MAD1L1: variants seen among roughly 807,000 people sequenced by gnomAD.
MAD1L1 encodes the protein mitotic spindle assembly checkpoint protein MAD1.
A neutral mutation model predicts 96.9 loss-of-function variants in MAD1L1; 95 were observed. The ratio of observed to expected loss-of-function variants is 0.98; its 90% CI spans 0.83 to 1.16. The LOEUF (loss-of-function observed/expected upper bound fraction) is 1.16. Among genes scored for constraint, MAD1L1 ranks in the 50% most tolerant of loss-of-function variants. The pLI is 0.00. For synonymous variants in MAD1L1, 473 were observed against 396.6 expected (o/e 1.19, Z -2.29); for missense variants, 1,007 against 954.4 (o/e 1.06, Z -0.73).
intron 18 of MAD1L1, chr7:1,897,995 G>A (rs773122830): frequency 1.8e-4 from 111 of 610,548 alleles, no homozygotes; most frequent in Non-Finnish European, 2.7e-4. Context: ...GAGGTCCAGG[G>A]CTGCAAAGCC....
rs756530716 is a variant in MAD1L1, at chr7:2,213,203, C to T, written c.986+9G>A. 3 of 1,614,020 alleles carry T rather than the reference C, an allele frequency of 1.9e-6. No homozygotes were observed. The South Asian group carries it at 3.3e-5, about 18-fold the overall frequency. On this transcript the variant is annotated intron_variant, in intron 10 of 18. Coordinates refer to ENST00000265854, the MANE Select transcript of MAD1L1 (RefSeq NM_001013836.2). ...AGGCGGGACCCCGGAGACACCTGCC[C>T]TTCCCTACCTGATGCTCAGGCCCAT...
At chr7:2,139,388 C>T (rs962311909) in intron 11 of MAD1L1, among the ~76,000 whole-genome samples, 2 of 152,030 alleles carry the variant, frequency 1.3e-5, no homozygotes, top group African/African-American at 2.4e-5. Context: ...GGCCCCAGGA[C>T]GCACACTGAG....
intron 18 of MAD1L1, among the ~76,000 whole-genome samples, chr7:1,872,307 T>C (rs1012337803): frequency 6.6e-6 from 1 of 152,206 alleles, no homozygotes; most frequent in Non-Finnish European, 1.5e-5. Context: ...TGACAGGTCA[T>C]GCCCAGCGGC....
At chr7:1,961,685 G>A (rs1469110090) in intron 15 of MAD1L1, among the ~76,000 whole-genome samples, 2 of 152,262 alleles carry the variant, frequency 1.3e-5, no homozygotes, top group African/African-American at 4.8e-5. Context: ...GGGTTTGGCT[G>A]TGTCCCCACC....
chr7:2,094,746 A>T (rs2128547151), intron 11 of MAD1L1, among the ~76,000 whole-genome samples: 1 of 141,186 alleles, frequency 7.1e-6, no homozygotes, highest in East Asian at 2.2e-4. Flanking sequence ...GGTGCAAAGC[A>T]GCAAGGGGGA....
chr7:1,904,515 C>A (rs1403504760), intron 17 of MAD1L1, among the ~76,000 whole-genome samples: 3 of 129,084 alleles, frequency 2.3e-5, no homozygotes, highest in East Asian at 4.4e-4. Flanking sequence ...GATGCTCTTG[C>A]GGAACTCATG....
At chr7:1,949,754 C>T (rs1041267424) in intron 16 of MAD1L1, among the ~76,000 whole-genome samples, 3 of 152,236 alleles carry the variant, frequency 2.0e-5, no homozygotes, top group Non-Finnish European at 4.4e-5. Flanking sequence ...CCTGCAGCAG[C>T]GGCTGCTTGG....
At chr7:1,957,499 AG>A (rs1284795079) in intron 16 of MAD1L1, 129 bp downstream of exon 16, 6 of 887,038 alleles carry the variant, frequency 6.8e-6, no homozygotes, top group Non-Finnish European at 8.7e-6. Flanking sequence ...TGCACATGGG[AG>A]GGAGGAGAGT....
rs568283384 is a variant in MAD1L1 at position 2,086,618 on chromosome 7, G to A, written c.1074-17280C>T. 1.4e-4 allele frequency among the ~76,000 whole-genome samples: 21 copies of A among 152,270 alleles called. No individual in the cohort carries two copies. The South Asian group carries it at 2.5e-3, about 18-fold the overall frequency. ...CCCCAGAGCTGGAGTGCAATGGCAC[G>A]CTCTCGGCTCACTGCAACCTCCGCC... On this transcript the variant is annotated intron_variant, in intron 11 of 18. Coordinates refer to ENST00000265854, the MANE Select transcript of MAD1L1 (RefSeq NM_001013836.2).
chr7:1,886,947 C>T (rs371949781), intron 18 of MAD1L1, among the ~76,000 whole-genome samples: 87 of 152,392 alleles, frequency 5.7e-4, no homozygotes, highest in African/African-American at 1.9e-3. Context: ...ACAGTCCTGC[C>T]CCGCAGGTTC....
At chr7:2,063,117 G>A (rs1409710778) in intron 12 of MAD1L1, among the ~76,000 whole-genome samples, 1 of 152,222 alleles carries the variant, frequency 6.6e-6, no homozygotes, top group Non-Finnish European at 1.5e-5. Context: ...TCTTACACTG[G>A]GACTGAGACA....
At chr7:2,150,333 A>G (rs1789509970) in intron 10 of MAD1L1, among the ~76,000 whole-genome samples, 1 of 152,088 alleles carries the variant, frequency 6.6e-6, no homozygotes, top group South Asian at 2.1e-4. Context: ...CCCTAACAGA[A>G]GCCATCCTGC....
intron 18 of MAD1L1, among the ~76,000 whole-genome samples, chr7:1,856,200 G>T (rs1784242350): frequency 6.6e-6 from 1 of 152,224 alleles, no homozygotes; most frequent in South Asian, 2.1e-4. Flanking sequence ...CTCCACACGT[G>T]CCTCTGAATA....
At chr7:1,922,829 G>C (rs1419270233) in intron 17 of MAD1L1, among the ~76,000 whole-genome samples, 1 of 152,236 alleles carries the variant, frequency 6.6e-6, no homozygotes, top group Non-Finnish European at 1.5e-5. Context: ...CCATGAACGT[G>C]TGTTGGGCCT....
chr7:1,919,032 C>T (rs547539991), intron 17 of MAD1L1, among the ~76,000 whole-genome samples: 2 of 152,384 alleles, frequency 1.3e-5, no homozygotes, highest in South Asian at 4.1e-4. Flanking sequence ...CGGCCCATGC[C>T]GCCGTGATCC....
intron 12 of MAD1L1, among the ~76,000 whole-genome samples, chr7:2,017,299 C>G (rs910238067): frequency 2.0e-5 from 3 of 152,238 alleles, no homozygotes; most frequent in Non-Finnish European, 2.9e-5. Flanking sequence ...GTCCCAGACT[C>G]GCTTTAAGAA....
chr7:1,940,479 G>T (rs1778897758), intron 16 of MAD1L1: 1 of 152,242 alleles, frequency 6.6e-6, no homozygotes, highest in Non-Finnish European at 1.5e-5. Flanking sequence ...CCCTCTGACG[G>T]GCGGCACTGG....
At position 1,981,792 on chromosome 7, in the gene MAD1L1, G is replaced by T. The variant is rs1344502844; in HGVS notation, c.1417-1251C>A. On this transcript the variant is annotated intron_variant, in intron 14 of 18. Coordinates refer to ENST00000265854, the MANE Select transcript of MAD1L1 (RefSeq NM_001013836.2). ...GGCCAGCAGGAGCCTGGGAAAAAAG[G>T]CACTGGGGCAGGGGGTGCACAGTGT... is the stretch of plus-strand genomic sequence containing the variant. Among the ~76,000 whole-genome samples, 6 of 152,308 alleles carry T rather than the reference G, an allele frequency of 3.9e-5. No individual in the cohort carries two copies. The East Asian group carries it at 1.2e-3, about 29-fold the overall frequency.
intron 10 of MAD1L1, among the ~76,000 whole-genome samples, chr7:2,189,339 G>A (rs890884213): frequency 3.3e-5 from 5 of 152,208 alleles, no homozygotes; most frequent in Non-Finnish European, 5.9e-5. Flanking sequence ...ATATCTGCCC[G>A]CTCGTGTTCA....
Sources: gnomAD v4.1 joint callset for allele counts (sites outside exome capture counted in the v4.1 genomes callset) on GRCh38, gnomAD v4.1.1 for gene constraint, MANE v1.5 for transcripts, NCBI Gene and HGNC (gene_info 2026-07-23, HGNC 2026-07-21) for gene names.